SMR3A: variants seen among roughly 807,000 people sequenced by gnomAD.
SMR3A encodes submaxillary gland androgen-regulated protein 3A.
For missense variants in SMR3A, 188 were observed against 163.0 expected (o/e 1.15, Z -0.84); for synonymous variants, 48 against 57.4 (o/e 0.84, Z 0.74).
In SMR3A at chr4:70,366,785, C is replaced by T. The variant is rs879178496; in HGVS notation, c.196C>T (p.Pro66Ser). 15 of 1,613,314 alleles carry T rather than the reference C, an allele frequency of 9.3e-6. No homozygotes were observed. Among genetic ancestry groups the T allele is most frequent in the Non-Finnish European group, 9.3e-6 (11 of 1,179,692 alleles). ...PPYGPGRFPP[P>S]LSPPYGPGRI... ...CTATGGTCCAGGGAGATTTCCACCA[C>T]CCCTTTCTCCACCCTATGGTCCAGG... is the stretch of plus-strand genomic sequence containing the variant. Residue 66 changes from proline to serine, a missense_variant, in exon 3 of 3, where the codon CCC (proline) becomes TCC (serine). Coordinates refer to ENST00000226460, the MANE Select transcript of SMR3A (RefSeq NM_012390.4).
At position 70,362,088 on chromosome 4, in the gene SMR3A, G is replaced by A; in HGVS notation, c.-14-14G>A. Reference sequence around the variant, plus strand: ...AAAACAATCATACTGATCACCTATTGTGCTTACTTTCAGAGGCAACTGAAA... The same window carrying A: ...AAAACAATCATACTGATCACCTATTATGCTTACTTTCAGAGGCAACTGAAA... On this transcript the variant is annotated splice_polypyrimidine_tract_variant and intron_variant, in intron 1 of 2. Transcript: ENST00000226460. The A allele has an allele frequency of 6.2e-7, 1 of 1,611,112 alleles. No individual in the cohort carries two copies. Among genetic ancestry groups the A allele is most frequent in the Non-Finnish European group, 8.5e-7 (1 of 1,177,998 alleles).
At chr4:70,361,999 A>G (rs1732155948) in intron 1 of SMR3A, 103 bp from the exon 2 acceptor site, 9 of 1,521,134 alleles carry the variant, frequency 5.9e-6, no homozygotes, top group Admixed American at 2.1e-5. Flanking sequence ...AAAAGGCTAC[A>G]GTAGTATATC....
Position 70,367,096 on chromosome 4 carries a change from A to T in SMR3A, c.*102A>T. 1 of 987,234 alleles carries T rather than the reference A, an allele frequency of 1.0e-6. No individual in the cohort carries two copies. 61.2% of individuals were successfully genotyped at this position (987,234 alleles called of 1,614,324 possible). The stretch of plus-strand genomic sequence containing the variant: ...AAATAAGAATTTCAACACTACTTCC[A>T]AGAGACTTTTAGATAAAATCACTTC... On this transcript the variant is annotated 3_prime_UTR_variant, in exon 3 of 3. Transcript: ENST00000226460.
chr4:70,362,281 A>T (rs1842477), intron 2 of SMR3A, 112 bp downstream of exon 2: 927,039 of 1,536,900 alleles, frequency 0.6, 284,057 homozygotes, highest in Non-Finnish European at 0.62. Context: ...GTAACTATTA[A>T]CCGTTGATGA....
chr4:70,363,245 T>A (rs1488751220), intron 2 of SMR3A, among the ~76,000 whole-genome samples: 1 of 151,930 alleles, frequency 6.6e-6, no homozygotes, highest in Non-Finnish European at 1.5e-5. Context: ...AGCTTTCCAA[T>A]AATATAAGCA....
At chr4:70,364,792 C>CA (rs1204882445) in intron 2 of SMR3A, among the ~76,000 whole-genome samples, 1 of 151,866 alleles carries the variant, frequency 6.6e-6, no homozygotes, top group African/African-American at 2.4e-5. Context: ...GTAAGATACT[C>CA]AAAAAAGGAT....
chr4:70,363,360 T>C (rs1457759810), intron 2 of SMR3A, among the ~76,000 whole-genome samples: 1 of 151,932 alleles, frequency 6.6e-6, no homozygotes, highest in East Asian at 1.9e-4. Flanking sequence ...ATATACATAT[T>C]TGTAGATGGG....
intron 2 of SMR3A, among the ~76,000 whole-genome samples, chr4:70,365,748 AC>A: frequency 6.6e-6 from 1 of 152,182 alleles, no homozygotes; most frequent in South Asian, 2.1e-4. Flanking sequence ...ACATGAATGA[AC>A]CAGCTCCTTC....
chr4:70,367,065 A>C lies in SMR3A; in HGVS notation c.*71A>C. The C allele has an allele frequency of 7.6e-7, 1 of 1,316,502 alleles. No individual in the cohort carries two copies. Among genetic ancestry groups the C allele is most frequent in the Non-Finnish European group, 1.1e-6 (1 of 932,022 alleles). The allele number at this position is 1,316,502 out of a possible 1,614,324, so 81.6% of individuals were successfully genotyped here. ...TACCCTCGTAACTACTGCTTCTACTACCCAAAAATAAGAATTTCAACACTA... is the reference window on the plus strand; with the variant it reads ...TACCCTCGTAACTACTGCTTCTACTCCCCAAAAATAAGAATTTCAACACTA... On this transcript the variant is annotated 3_prime_UTR_variant, in exon 3 of 3. Coordinates refer to ENST00000226460, the MANE Select transcript of SMR3A (RefSeq NM_012390.4).
intron 2 of SMR3A, 35 bp downstream of exon 2, chr4:70,362,204 A>T (rs1316622298): frequency 9.9e-6 from 16 of 1,610,858 alleles, no homozygotes; most frequent in African/African-American, 4.0e-5. Context: ...ACATCTTTAT[A>T]CTTTCTCATT....
At chr4:70,361,204 C>T (rs575724096) in intron 1 of SMR3A, among the ~76,000 whole-genome samples, 7 of 151,964 alleles carry the variant, frequency 4.6e-5, no homozygotes, top group African/African-American at 1.2e-4. Flanking sequence ...CTTATAAGAA[C>T]GGATCCTGGG....
At chr4:70,365,824 G>T (rs1310352915) in intron 2 of SMR3A, among the ~76,000 whole-genome samples, 1 of 151,962 alleles carries the variant, frequency 6.6e-6, no homozygotes, top group African/African-American at 2.4e-5. Flanking sequence ...TCAAAGCCCA[G>T]AACAACCCTG....
rs748569837 is a variant in SMR3A, at chr4:70,366,634, G to A, written c.55-10G>A. 1.3e-6 allele frequency: 2 copies of A among 1,575,140 alleles called. No homozygotes were observed. Among genetic ancestry groups the A allele is most frequent in the East Asian group, 4.5e-5 (2 of 44,394 alleles). The stretch of plus-strand genomic sequence containing the variant: ...CTGATTTAAAATTATTTACTTCTTT[G>A]TTTCCACAGCCTGGTGAGAGTCAAA... On this transcript the variant is annotated splice_polypyrimidine_tract_variant and intron_variant, in intron 2 of 2. Transcript: ENST00000226460.
intron 2 of SMR3A, 116 bp from the exon 3 acceptor site, chr4:70,366,528 C>G (rs1050058947): frequency 1.0e-6 from 1 of 955,818 alleles, no homozygotes; most frequent in Non-Finnish European, 1.5e-6. Flanking sequence ...CATGTGCCAG[C>G]AGGGAGTAGA....
At chr4:70,365,957 A>G (rs553717211) in intron 2 of SMR3A, among the ~76,000 whole-genome samples, 2 of 152,058 alleles carry the variant, frequency 1.3e-5, no homozygotes, top group East Asian at 3.9e-4. Flanking sequence ...CTCATTATCT[A>G]TTTTTTCCAG....
chr4:70,366,848 G>A lies in SMR3A; in HGVS notation c.259G>A (p.Gly87Arg), dbSNP rs1311443995. The A allele has an allele frequency of 6.2e-7, 1 of 1,613,484 alleles. No individual in the cohort carries two copies. Among genetic ancestry groups the A allele is most frequent in the Non-Finnish European group, 8.5e-7 (1 of 1,179,776 alleles). Residue 87 changes from glycine to arginine, a missense_variant, in exon 3 of 3, where the codon GGG (glycine) becomes AGG (arginine). Gly to Arg is a moderately radical substitution (Grantham distance 125). Coordinates refer to ENST00000226460, the MANE Select transcript of SMR3A (RefSeq NM_012390.4). The part of the protein sequence containing the change: ...PPSPPPPYGP[G>R]RIQSHSLPPP... ...ATCCCCTCCTCCACCCTATGGTCCA[G>A]GGAGAATTCAATCACACTCTCTTCC...
rs897535431 is a variant in SMR3A, at chr4:70,366,924, A to G, written c.335A>G (p.Tyr112Cys). The G allele has an allele frequency of 1.9e-6, 3 of 1,613,578 alleles. No homozygotes were observed. Among genetic ancestry groups the G allele is most frequent in the Non-Finnish European group, 2.5e-6 (3 of 1,179,768 alleles). Residue 112 changes from tyrosine (Y) to cysteine (C), a missense_variant, in exon 3 of 3, where the codon TAT becomes TGT. Coordinates refer to ENST00000226460, the MANE Select transcript of SMR3A (RefSeq NM_012390.4). ...CAGCCACCTTCCCAACCAAGACCCT[A>G]TCCACCTGGACCTCCATTTTTCCCT... ...YPQPPSQPRP[Y>C]PPGPPFFPVN...
intron 2 of SMR3A, among the ~76,000 whole-genome samples, chr4:70,365,919 T>C (rs1238936815): frequency 6.6e-6 from 1 of 152,064 alleles, no homozygotes; most frequent in African/African-American, 2.4e-5. Context: ...ATGACAGACT[T>C]CACTACAGGC....
chr4:70,367,054 C>G lies in SMR3A; in HGVS notation c.*60C>G. The G allele has an allele frequency of 7.1e-7, 1 of 1,399,850 alleles. No individual in the cohort carries two copies. The highest frequency in any genetic ancestry group is 1.0e-6 in the Non-Finnish European group (1 of 997,856). The allele number at this position is 1,399,850 out of a possible 1,614,324, so 86.7% of individuals were successfully genotyped here. On this transcript the variant is annotated 3_prime_UTR_variant, in exon 3 of 3. Transcript: ENST00000226460. Reference sequence around the variant, plus strand: ...AAAGACAACACTACCCTCGTAACTACTGCTTCTACTACCCAAAAATAAGAA... The same window carrying G: ...AAAGACAACACTACCCTCGTAACTAGTGCTTCTACTACCCAAAAATAAGAA...
Sources: allele counts gnomAD v4.1 joint callset (sites outside exome capture counted in the v4.1 genomes callset), GRCh38; gene constraint gnomAD v4.1.1; transcripts MANE v1.5; gene names NCBI Gene and HGNC (gene_info 2026-07-23, HGNC 2026-07-21).